TMEM132D: variants seen among roughly 807,000 people sequenced by gnomAD.
The protein encoded by TMEM132D is mature OL transmembrane protein.
A neutral mutation model predicts 62.3 loss-of-function variants in TMEM132D; 21 were observed. The ratio of observed to expected loss-of-function variants is 0.34; its 90% CI spans 0.24 to 0.49. The LOEUF (loss-of-function observed/expected upper bound fraction) is 0.49, where lower values mean the gene tolerates loss of function less well. Ranked by LOEUF, TMEM132D falls within the 20% of genes least tolerant of loss-of-function variation. The probability of loss-of-function intolerance (pLI) is 0.99; values close to 1 mark genes in which losing one functional copy is unlikely to be tolerated. For synonymous variants in TMEM132D, 621 were observed against 575.6 expected (o/e 1.08, Z -1.13); for missense variants, 1,346 against 1,402.8 (o/e 0.96, Z 0.65).
At position 129,825,548 on chromosome 12, in the gene TMEM132D, G is replaced by T. The variant is rs951343739; in HGVS notation, c.79+77713C>A. Among the ~76,000 whole-genome samples the T allele has an allele frequency of 2.6e-5, 4 of 152,254 alleles. 1 individual carries two copies. Among genetic ancestry groups the T allele is most frequent in the South Asian group, 4.2e-4 (2 of 4,818 alleles). On this transcript the variant is annotated intron_variant, in intron 1 of 8. Coordinates refer to ENST00000422113, the MANE Select transcript of TMEM132D (RefSeq NM_133448.3). The stretch of plus-strand genomic sequence containing the variant: ...CCAGCCTCCCCTGCCATGCCCTGGG[G>T]ACACAAGGCCCTCCACCTGCACTCT...
intron 3 of TMEM132D, among the ~76,000 whole-genome samples, chr12:129,524,896 AT>A (rs1875966727): frequency 7.1e-6 from 1 of 140,012 alleles, no homozygotes; most frequent in African/African-American, 2.7e-5. Context: ...TCAGAAAAAC[AT>A]TTTATTATTT....
In TMEM132D at chr12:129,432,163, A is replaced by ATGCT. The variant is rs1157779981; in HGVS notation, c.1116-94347_1116-94346insAGCA. Among the ~76,000 whole-genome samples, 1,139 of 129,920 alleles carry ATGCT rather than the reference A, an allele frequency of 8.8e-3. 7 individuals are homozygous for ATGCT. Among genetic ancestry groups the ATGCT allele is most frequent in the African/African-American group, 0.015 (515 of 33,234 alleles). The allele number at this position is 129,920 out of a possible 152,430, so 85.2% of individuals were successfully genotyped here. ...GATGGATGGATGGATGGATGCTTGGATGGATGGATGGATGGATGGATGGAT... is the reference window on the plus strand; with the variant it reads ...GATGGATGGATGGATGGATGCTTGGATGCTTGGATGGATGGATGGATGGATGGAT... On this transcript the variant is annotated intron_variant, in intron 3 of 8. Coordinates refer to ENST00000422113, the MANE Select transcript of TMEM132D (RefSeq NM_133448.3).
intron 2 of TMEM132D, among the ~76,000 whole-genome samples, chr12:129,587,235 T>C (rs992186941): frequency 2.6e-5 from 4 of 152,174 alleles, no homozygotes; most frequent in African/African-American, 7.2e-5. Context: ...TCATGTCCTT[T>C]ACAGGGACAT....
chr12:129,209,806 AGCTGGCTGACCGTG>A (rs1335116022), intron 4 of TMEM132D, 143 bp from the exon 5 acceptor site: 1 of 1,159,282 alleles, frequency 8.6e-7, no homozygotes, highest in African/African-American at 1.5e-5. Context: ...AGTCCGCACC[AGCTGGCTGACCGTG>A]GCAGCCATGA....
chr12:129,453,917 G>A (rs1156520144), intron 3 of TMEM132D, among the ~76,000 whole-genome samples: 3 of 152,178 alleles, frequency 2.0e-5, no homozygotes, highest in Admixed American at 2.0e-4. Context: ...CCTAAAACTT[G>A]TTTAGTGGCA....
chr12:129,795,826 C>T (rs573225608), intron 1 of TMEM132D, among the ~76,000 whole-genome samples: 43 of 152,134 alleles, frequency 2.8e-4, no homozygotes, highest in African/African-American at 1.0e-3. Context: ...TATATTATCC[C>T]ACCTGACTTA....
intron 5 of TMEM132D, among the ~76,000 whole-genome samples, chr12:129,093,358 A>G (rs1027776220): frequency 5.5e-4 from 83 of 152,014 alleles, no homozygotes; most frequent in African/African-American, 1.7e-3. Flanking sequence ...AAATCAATGT[A>G]CAAAAATCAC....
At chr12:129,384,454 G>C in intron 3 of TMEM132D, among the ~76,000 whole-genome samples, 1 of 151,430 alleles carries the variant, frequency 6.6e-6, no homozygotes, top group South Asian at 2.1e-4. Context: ...ATTAAAAAAA[G>C]TCTCAGAACT....
intron 5 of TMEM132D, among the ~76,000 whole-genome samples, chr12:129,202,410 T>C (rs1878730363): frequency 6.6e-6 from 1 of 152,226 alleles, no homozygotes; most frequent in African/African-American, 2.4e-5. Context: ...CTGTGGGTTT[T>C]GATTTTTAAG....
At chr12:129,491,580 T>C (rs936622493) in intron 3 of TMEM132D, among the ~76,000 whole-genome samples, 1 of 152,184 alleles carries the variant, frequency 6.6e-6, no homozygotes, top group Admixed American at 6.5e-5. Context: ...AACTATGCAT[T>C]GAAGACACTG....
chr12:129,306,643 A>G (rs535348555), intron 4 of TMEM132D, among the ~76,000 whole-genome samples: 8 of 152,312 alleles, frequency 5.3e-5, no homozygotes, highest in African/African-American at 1.7e-4. Context: ...AATGATCATT[A>G]TTTATGGTTC....
intron 4 of TMEM132D, among the ~76,000 whole-genome samples, chr12:129,271,160 A>G (rs996476692): frequency 7.2e-5 from 11 of 152,192 alleles, no homozygotes; most frequent in African/African-American, 2.7e-4. Context: ...AAATCAGGCC[A>G]TGTTTTGCTG....
intron 3 of TMEM132D, among the ~76,000 whole-genome samples, chr12:129,466,743 C>T (rs1377923940): frequency 6.6e-6 from 1 of 152,196 alleles, no homozygotes; most frequent in Non-Finnish European, 1.5e-5. Flanking sequence ...ATTCACTCTG[C>T]TCATTGCTTA....
intron 5 of TMEM132D, among the ~76,000 whole-genome samples, chr12:129,117,368 G>A (rs529033689): frequency 1.9e-4 from 29 of 152,238 alleles, no homozygotes; most frequent in African/African-American, 6.5e-4. Flanking sequence ...ATGTCATTAC[G>A]TATCAATCAA....
rs1296010493 is a variant in TMEM132D at position 129,646,739 on chromosome 12, G to GTA, written c.968+53069_968+53070dup. Among the ~76,000 whole-genome samples, 301 of 151,066 alleles carry GTA rather than the reference G, an allele frequency of 2.0e-3. 2 individuals carry two copies. Among genetic ancestry groups the GTA allele is most frequent in the African/African-American group, 6.5e-3 (266 of 41,086 alleles). On this transcript the variant is annotated intron_variant, in intron 2 of 8. Coordinates refer to ENST00000422113, the MANE Select transcript of TMEM132D (RefSeq NM_133448.3). ...ACAATATGTGCAAATGTGTGTATAT[G>GTA]TATATATATATAAACATGCATTCAC...
intron 2 of TMEM132D, among the ~76,000 whole-genome samples, chr12:129,552,806 A>G (rs1238960346): frequency 6.6e-6 from 1 of 152,146 alleles, no homozygotes; most frequent in African/African-American, 2.4e-5. Flanking sequence ...GTATCTATCT[A>G]GCATCTATCT....
rs371446543 is a variant in TMEM132D, at chr12:129,903,286, G to A, written c.54C>T (p.Ile18=). 2 of 1,554,110 alleles carry A rather than the reference G, an allele frequency of 1.3e-6. No homozygotes were observed. The highest frequency in any genetic ancestry group is 2.7e-5 in the African/African-American group (2 of 73,134). Residue 18 remains isoleucine (I), a synonymous_variant, in exon 1 of 9, where the codon ATC becomes ATT. Transcript: ENST00000422113. This position sits in a 1 kb window ranked among gnomAD's most constrained non-coding sequence, Gnocchi z 6.2. ...TLWHHWSPVL[I]SLAALFSKVT... is the part of the protein sequence containing the mutation. ...CTTTGGAAAACAGGGCGGCCAGGCT[G>A]ATGAGTACCGGCGACCAGTGGTGCC... is the stretch of plus-strand genomic sequence containing the variant.
intron 2 of TMEM132D, among the ~76,000 whole-genome samples, chr12:129,650,260 G>A (rs765213412): frequency 5.3e-5 from 8 of 152,030 alleles, no homozygotes; most frequent in Non-Finnish European, 8.8e-5. Context: ...CTTTTTGCTC[G>A]ATATTATGTT....
chr12:129,652,107 T>C (rs969025523), intron 2 of TMEM132D, among the ~76,000 whole-genome samples: 3 of 152,204 alleles, frequency 2.0e-5, no homozygotes, highest in African/African-American at 7.2e-5. Flanking sequence ...AATAGCACTT[T>C]AGGACTTTGA....
Sources: gnomAD v4.1 joint callset for allele counts (sites outside exome capture counted in the v4.1 genomes callset) on GRCh38, gnomAD v4.1.1 for gene constraint, Gnocchi (gnomAD v3.1) non-coding constraint, MANE v1.5 for transcripts, NCBI Gene and HGNC (gene_info 2026-07-23, HGNC 2026-07-21) for gene names.